RAB6B: variants seen among roughly 807,000 people sequenced by gnomAD.
The protein encoded by RAB6B is ras-related protein Rab-6B.
In RAB6B, 7 loss-of-function variants were observed where a neutral mutation model predicts 31.2. The ratio of observed to expected loss-of-function variants is 0.22; its 90% CI spans 0.13 to 0.42. RAB6B has a LOEUF of 0.42. Ranked by LOEUF, RAB6B falls within the 10% of genes least tolerant of loss-of-function variation. The pLI is 1.00. For synonymous variants in RAB6B, 105 were observed against 104.9 expected, an observed-to-expected ratio of 1.00 and a Z score of -0.01; for missense variants, 149 against 280.6, an observed-to-expected ratio of 0.53 and a Z score of 3.35.
At chr3:133,879,884 C>T (rs1179093581) in intron 1 of RAB6B, among the ~76,000 whole-genome samples, 1 of 152,208 alleles carries the variant, frequency 6.6e-6, no homozygotes, top group Admixed American at 6.5e-5. Flanking sequence ...GCTCAGAGAA[C>T]AAGAGTCTAC....
intron 2 of RAB6B, among the ~76,000 whole-genome samples, chr3:133,856,087 C>T (rs2107999035): frequency 6.6e-6 from 1 of 152,092 alleles, no homozygotes; most frequent in East Asian, 2.0e-4. Context: ...AGCAATAGTC[C>T]AGGGGCCTGA....
intron 6 of RAB6B, among the ~76,000 whole-genome samples, chr3:133,835,657 C>CT (rs1217180868): frequency 4.6e-5 from 7 of 152,018 alleles, no homozygotes; most frequent in African/African-American, 1.7e-4. Context: ...CTGCAAATTC[C>CT]TATGTTGAAA....
intron 7 of RAB6B, among the ~76,000 whole-genome samples, chr3:133,829,258 A>G (rs911314538): frequency 2.0e-5 from 3 of 152,230 alleles, no homozygotes; most frequent in African/African-American, 7.2e-5. Context: ...CTCAAAGCAC[A>G]GGGGTATGTG....
chr3:133,841,409 GA>G lies in RAB6B; in HGVS notation c.184-20del, dbSNP rs1465642299. ...GTCGCACCTGTCTCAGGGAGGGCAG[GA>G]CCATGGGCAGAGGGGTCAGTGGGGC... On this transcript the variant is annotated intron_variant, in intron 3 of 7. Transcript: ENST00000285208. 6.2e-7 allele frequency: 1 copy of G among 1,613,454 alleles called. No homozygotes were observed. The highest frequency in any genetic ancestry group is 1.1e-5 in the South Asian group (1 of 91,052).
intron 1 of RAB6B, among the ~76,000 whole-genome samples, chr3:133,883,040 A>G (rs149657738): frequency 1.2e-4 from 18 of 152,318 alleles, no homozygotes; most frequent in African/African-American, 4.3e-4. Flanking sequence ...TTCTCCCCCA[A>G]AAGAAACCCT....
chr3:133,859,426 TG>T (rs1399796615), intron 2 of RAB6B, among the ~76,000 whole-genome samples: 1 of 152,116 alleles, frequency 6.6e-6, no homozygotes, highest in Non-Finnish European at 1.5e-5. Context: ...ATTCCTGGGT[TG>T]GGGGTGGGTG....
intron 1 of RAB6B, among the ~76,000 whole-genome samples, chr3:133,866,608 C>T (rs754784818): frequency 1.1e-4 from 16 of 152,202 alleles, no homozygotes; most frequent in Non-Finnish European, 1.9e-4. Context: ...CTGATAGAAA[C>T]GAGGCTATAA....
chr3:133,859,473 C>T (rs1356478570), intron 2 of RAB6B, among the ~76,000 whole-genome samples: 1 of 151,992 alleles, frequency 6.6e-6, no homozygotes, highest in Non-Finnish European at 1.5e-5. Context: ...TGAGTGTGTC[C>T]ACGGGGAACC....
chr3:133,890,549 A>G (rs1375283665), intron 1 of RAB6B, among the ~76,000 whole-genome samples: 2 of 152,134 alleles, frequency 1.3e-5, no homozygotes, highest in Non-Finnish European at 1.5e-5. Flanking sequence ...AGGTTGCAGT[A>G]AGCCAAGATT....
At chr3:133,860,746 TGA>T (rs1158502164) in intron 2 of RAB6B, among the ~76,000 whole-genome samples, 2 of 152,168 alleles carry the variant, frequency 1.3e-5, no homozygotes, top group Non-Finnish European at 2.9e-5. Flanking sequence ...TCCTCCACTC[TGA>T]GAGTGTGTCC....
At chr3:133,851,441 C>G (rs1475806519) in intron 2 of RAB6B, among the ~76,000 whole-genome samples, 2 of 152,168 alleles carry the variant, frequency 1.3e-5, no homozygotes, top group African/African-American at 4.8e-5. Flanking sequence ...TTCCATGTAG[C>G]TGGGGCTTTA....
chr3:133,892,142 A>G (rs546612520), intron 1 of RAB6B, among the ~76,000 whole-genome samples: 3 of 152,214 alleles, frequency 2.0e-5, no homozygotes, highest in Admixed American at 6.5e-5. Flanking sequence ...ACGCCATCAA[A>G]TGCCCCAGTC....
chr3:133,863,889 A>G (rs1274772118), intron 2 of RAB6B, among the ~76,000 whole-genome samples: 1 of 152,166 alleles, frequency 6.6e-6, no homozygotes, highest in African/African-American at 2.4e-5. Flanking sequence ...AATTCACTTT[A>G]CTTGCACAAA....
chr3:133,887,763 A>G (rs1011041396), intron 1 of RAB6B, among the ~76,000 whole-genome samples: 1 of 152,202 alleles, frequency 6.6e-6, no homozygotes, highest in African/African-American at 2.4e-5. Flanking sequence ...TGTGGCCAGG[A>G]AAGGGTTACC....
At chr3:133,845,376 G>A (rs1265701535) in intron 2 of RAB6B, among the ~76,000 whole-genome samples, 1 of 152,224 alleles carries the variant, frequency 6.6e-6, no homozygotes, top group Admixed American at 6.5e-5. Flanking sequence ...TGCCATGTGA[G>A]GACGCAGTGT....
intron 2 of RAB6B, among the ~76,000 whole-genome samples, chr3:133,844,390 G>C (rs967989453): frequency 1.2e-4 from 18 of 152,132 alleles, no homozygotes; most frequent in African/African-American, 4.1e-4. Context: ...TCTCAGACCT[G>C]TTCTAGCCAC....
At chr3:133,836,511 G>A (rs531559593) in intron 6 of RAB6B, among the ~76,000 whole-genome samples, 5 of 152,260 alleles carry the variant, frequency 3.3e-5, no homozygotes, top group South Asian at 4.1e-4. Flanking sequence ...CACAGGGTTC[G>A]AAACTGACCA....
chr3:133,864,575 G>A lies in RAB6B; in HGVS notation c.129+9C>T. 6.2e-7 allele frequency: 1 copy of A among 1,613,474 alleles called. No homozygotes were observed. ...AGATGATATGGAGGGTGAGCACCCA[G>A]GACCTCACCTGGTATGTGTTGTCGA... is the stretch of plus-strand genomic sequence containing the variant. On this transcript the variant is annotated intron_variant, in intron 2 of 7. Coordinates refer to ENST00000285208, the MANE Select transcript of RAB6B (RefSeq NM_016577.4).
At chr3:133,846,699 A>G (rs1935913489) in intron 2 of RAB6B, among the ~76,000 whole-genome samples, 1 of 152,222 alleles carries the variant, frequency 6.6e-6, no homozygotes, top group Non-Finnish European at 1.5e-5. Context: ...AAACAGAACA[A>G]CACATTACAT....
Sources: gnomAD v4.1 joint callset for allele counts (sites outside exome capture counted in the v4.1 genomes callset) on GRCh38, gnomAD v4.1.1 for gene constraint, MANE v1.5 for transcripts, NCBI Gene and HGNC (gene_info 2026-07-23, HGNC 2026-07-21) for gene names.